The following KIAA1217 variants were observed in gnomAD, a reference collection of about 807,000 sequenced individuals.
The protein encoded by KIAA1217 is sickle tail protein homolog.
In KIAA1217, 88 loss-of-function variants were observed where a neutral mutation model predicts 163.9. The ratio of observed to expected loss-of-function variants is 0.54; its 90% CI spans 0.45 to 0.64. The LOEUF (loss-of-function observed/expected upper bound fraction) is 0.64. Among genes scored for constraint, KIAA1217 ranks in the 30% least tolerant of loss-of-function variants. KIAA1217 has a pLI of 0.00. For synonymous variants in KIAA1217, 903 were observed against 923.1 expected, an observed-to-expected ratio of 0.98 and a Z score of 0.39; for missense variants, 2,372 against 2,475.0, an observed-to-expected ratio of 0.96 and a Z score of 0.88.
chr10:24,536,081 C>T (rs1365035325), intron 16 of KIAA1217, among the ~76,000 whole-genome samples: 1 of 152,148 alleles, frequency 6.6e-6, no homozygotes, highest in Non-Finnish European at 1.5e-5. Flanking sequence ...GCCCTGTAGA[C>T]ACAGTCTATG....
At chr10:24,491,286 C>CTTTTTT (rs1169407580) in intron 6 of KIAA1217, among the ~76,000 whole-genome samples, 22 of 114,738 alleles carry the variant, frequency 1.9e-4, no homozygotes, top group Non-Finnish European at 1.9e-4. Flanking sequence ...TTTTTTTTTC[C>CTTTTTT]TTTTTTTTTT....
intron 1 of KIAA1217, among the ~76,000 whole-genome samples, chr10:23,697,986 A>C (rs1156438876): frequency 6.6e-6 from 1 of 152,182 alleles, no homozygotes; most frequent in East Asian, 1.9e-4. Context: ...TATAGGCATT[A>C]ATACTGGTTT....
intron 1 of KIAA1217, 73 bp downstream of exon 1, chr10:24,209,336 C>A: frequency 4.5e-6 from 5 of 1,119,074 alleles, no homozygotes; most frequent in Non-Finnish European, 6.6e-6. Flanking sequence ...TTTTTATAAA[C>A]TGCAGCTCTG....
chr10:23,853,665 G>A (rs1195574036), intron 1 of KIAA1217, among the ~76,000 whole-genome samples: 1 of 152,148 alleles, frequency 6.6e-6, no homozygotes. Flanking sequence ...TAGTTGGTAA[G>A]CTATTGATTA....
At chr10:23,703,986 C>T (rs1349401833) in intron 1 of KIAA1217, among the ~76,000 whole-genome samples, 1 of 150,148 alleles carries the variant, frequency 6.7e-6, no homozygotes, top group Non-Finnish European at 1.5e-5. Context: ...TGTGGATCTT[C>T]ATTTGCTGAT....
At chr10:23,850,776 G>A (rs1007056441) in intron 1 of KIAA1217, among the ~76,000 whole-genome samples, 2 of 152,078 alleles carry the variant, frequency 1.3e-5, no homozygotes, top group Non-Finnish European at 2.9e-5. Flanking sequence ...AGCTGTACAG[G>A]AAGCATGGCT....
chr10:24,312,052 CGA>C (rs2042766327), intron 2 of KIAA1217, among the ~76,000 whole-genome samples: 1 of 152,036 alleles, frequency 6.6e-6, no homozygotes. Flanking sequence ...TAAGGTGACC[CGA>C]GGAGAAGCAG....
chr10:23,951,992 C>T lies in KIAA1217; in HGVS notation c.-320-55233C>T, dbSNP rs150968254. Among the ~76,000 whole-genome samples the T allele has an allele frequency of 4.0e-3, 602 of 152,266 alleles. 2 individuals carry two copies. The highest frequency in any genetic ancestry group is 6.2e-3 in the Non-Finnish European group (425 of 68,020). ...GATCCATTGTGTGGACTAAGATGTA[C>T]ATTTAATCAGTGTAGCTTAAAGGAT... On this transcript the variant is annotated intron_variant, in intron 1 of 18. Transcript: ENST00000376462.
chr10:24,524,637 C>A lies in KIAA1217; in HGVS notation c.2771C>A (p.Thr924Asn). ...ASSPAVPQEA[T>N]STLQMSQAPQ... ...TCCCCAGCCGTCCCCCAGGAAGCAA[C>A]CTCCACTCTGCAGATGTCGCAGGCT... Residue 924 changes from threonine to asparagine, a missense_variant, in exon 13 of 21, where the codon ACC (threonine) becomes AAC (asparagine). By Grantham distance (65) the Thr-to-Asn change is moderately conservative. Around this residue, in one of 3 missense-constraint regions of KIAA1217, gnomAD observed 1,431 missense variants for 1,470.3 expected, o/e 0.97. Coordinates refer to ENST00000376454, the MANE Select transcript of KIAA1217 (RefSeq NM_019590.5). 6.2e-7 allele frequency: 1 copy of A among 1,614,198 alleles called. No homozygotes were observed. The highest frequency in any genetic ancestry group is 8.5e-7 in the Non-Finnish European group (1 of 1,180,040).
intron 2 of KIAA1217, among the ~76,000 whole-genome samples, chr10:24,243,659 T>C (rs200764791): frequency 4.6e-4 from 70 of 151,104 alleles, no homozygotes; most frequent in Middle Eastern, 3.5e-3. Context: ...TATATATATA[T>C]ACACATCTAT....
At chr10:23,729,907 AT>A (rs33991778) in intron 1 of KIAA1217, among the ~76,000 whole-genome samples, 6 of 126,564 alleles carry the variant, frequency 4.7e-5, no homozygotes, top group Admixed American at 1.5e-4. Flanking sequence ...TTTCTATGAA[AT>A]TTTTTTTTTT....
chr10:24,003,126 T>TTTTTTTG (rs998011310), intron 1 of KIAA1217, among the ~76,000 whole-genome samples: 5 of 152,088 alleles, frequency 3.3e-5, no homozygotes, highest in African/African-American at 4.8e-5. Flanking sequence ...CATGCAAGTG[T>TTTTTTTG]TTTTTTGTTT....
At chr10:24,104,875 A>G (rs1242574842) in intron 2 of KIAA1217, among the ~76,000 whole-genome samples, 1 of 152,160 alleles carries the variant, frequency 6.6e-6, no homozygotes, top group African/African-American at 2.4e-5. Context: ...ATGATGAAGG[A>G]TGTCTTCTAA....
Position 24,423,015 on chromosome 10 carries a change from C to T in KIAA1217, c.554-9980C>T, listed in dbSNP as rs78721590. On this transcript the variant is annotated intron_variant, in intron 3 of 20. Coordinates refer to ENST00000376454, the MANE Select transcript of KIAA1217 (RefSeq NM_019590.5). ...TGCCTCCTGGGCTCACACCATTCTC[C>T]CACCTAAGCCTCCAGAGTAGTTGGG... is the stretch of plus-strand genomic sequence containing the variant. 9.1e-3 allele frequency among the ~76,000 whole-genome samples: 1,365 copies of T among 149,928 alleles called. 17 individuals are homozygous for T. The highest frequency in any genetic ancestry group is 0.032 in the African/African-American group (1,288 of 40,078).
In KIAA1217 at chr10:23,737,484, G is replaced by A. The variant is rs527606925; in HGVS notation, c.-321+42250G>A. ...CTGGGATTACAGGTGTGAGTCACCC[G>A]CACCCGGCCACATTAACGTTTTAAT... On this transcript the variant is annotated intron_variant, in intron 1 of 18. Transcript: ENST00000376462. Among the ~76,000 whole-genome samples the A allele has an allele frequency of 2.6e-5, 4 of 152,012 alleles. No homozygotes were observed. In the South Asian group the frequency reaches 8.3e-4, roughly 32 times the overall value.
At chr10:24,439,594 T>G (rs2060322153) in intron 5 of KIAA1217, among the ~76,000 whole-genome samples, 1 of 151,808 alleles carries the variant, frequency 6.6e-6, no homozygotes, top group Non-Finnish European at 1.5e-5. Context: ...TGGTCTGACA[T>G]AAGGGGTCAC....
At chr10:24,075,607 T>TTC (rs2061343987) in intron 2 of KIAA1217, among the ~76,000 whole-genome samples, 2 of 100,424 alleles carry the variant, frequency 2.0e-5, no homozygotes, top group African/African-American at 1.8e-4. Context: ...GCATTTTATC[T>TTC]TTTTTTTTTT....
Position 24,380,267 on chromosome 10 carries a change from T to C in KIAA1217, c.355-602T>C, listed in dbSNP as rs76078237. Among the ~76,000 whole-genome samples, 1,138 of 152,244 alleles carry C rather than the reference T, an allele frequency of 7.5e-3. 13 individuals are homozygous for C. The highest frequency in any genetic ancestry group is 0.026 in the African/African-American group (1,093 of 41,548). On this transcript the variant is annotated intron_variant, in intron 2 of 20. Coordinates refer to ENST00000376454, the MANE Select transcript of KIAA1217 (RefSeq NM_019590.5). ...GCAAAAGGAATTGTTTTGCTGTCAC[T>C]TTCTTATAATGTGGCTTGTCCTCAA... is the stretch of plus-strand genomic sequence containing the variant.
At chr10:23,788,156 C>A (rs1835580597) in intron 1 of KIAA1217, among the ~76,000 whole-genome samples, 1 of 152,144 alleles carries the variant, frequency 6.6e-6, no homozygotes, top group Admixed American at 6.5e-5. Flanking sequence ...TATGACTACA[C>A]CACTGTATTC....
Sources: gnomAD v4.1 joint callset for allele counts (sites outside exome capture counted in the v4.1 genomes callset) on GRCh38, gnomAD v4.1.1 for gene constraint, gnomAD v4.1.1 regional missense constraint, MANE v1.5 for transcripts, NCBI Gene and HGNC (gene_info 2026-07-23, HGNC 2026-07-21) for gene names.